CSGALNACT1: variants seen among roughly 807,000 people sequenced by gnomAD.
The protein encoded by CSGALNACT1 is beta4GalNAcT-1.
A neutral mutation model predicts 51.0 loss-of-function variants in CSGALNACT1; 52 were observed. That is an observed-to-expected ratio of 1.02 (90% CI 0.82 to 1.29). The LOEUF is 1.29. Among genes scored for constraint, CSGALNACT1 ranks in the 50% most tolerant of loss-of-function variants. The pLI is 0.00. For synonymous variants in CSGALNACT1, 341 were observed against 254.4 expected (o/e 1.34, Z -3.24); for missense variants, 935 against 679.2 (o/e 1.38, Z -4.19).
chr8:19,550,105 T>C (rs931635701), intron 3 of CSGALNACT1, among the ~76,000 whole-genome samples: 2 of 152,166 alleles, frequency 1.3e-5, no homozygotes, highest in East Asian at 3.9e-4. Context: ...TTTTGTGTAG[T>C]TGTCTCTTCT....
intron 1 of CSGALNACT1, among the ~76,000 whole-genome samples, chr8:19,656,486 A>G (rs745953430): frequency 6.6e-6 from 1 of 152,062 alleles, no homozygotes; most frequent in Non-Finnish European, 1.5e-5. Context: ...CTTGACCTCA[A>G]AGAGGCCCCA....
chr8:19,475,403 A>G (rs2069311034), intron 4 of CSGALNACT1, among the ~76,000 whole-genome samples: 2 of 152,154 alleles, frequency 1.3e-5, no homozygotes, highest in South Asian at 4.2e-4. Context: ...TGTTCAGACA[A>G]TCCCTACAGC....
intron 1 of CSGALNACT1, among the ~76,000 whole-genome samples, chr8:19,722,466 C>A (rs1564471409): frequency 6.6e-6 from 1 of 152,168 alleles, no homozygotes; most frequent in Non-Finnish European, 1.5e-5. Flanking sequence ...AGAGGCCCAG[C>A]AAAGTCAACT....
intron 3 of CSGALNACT1, among the ~76,000 whole-genome samples, chr8:19,575,129 GTTA>G (rs2043896900): frequency 6.6e-6 from 1 of 152,144 alleles, no homozygotes; most frequent in African/African-American, 2.4e-5. Flanking sequence ...AACTCACACA[GTTA>G]TTGAATTTGG....
At chr8:19,670,578 A>G (rs2059711810) in intron 1 of CSGALNACT1, among the ~76,000 whole-genome samples, 1 of 149,112 alleles carries the variant, frequency 6.7e-6, no homozygotes, top group Non-Finnish European at 1.5e-5. Context: ...TACACAGGAA[A>G]CCAAGGATCA....
intron 4 of CSGALNACT1, among the ~76,000 whole-genome samples, chr8:19,481,202 C>T (rs542747842): frequency 2.6e-5 from 4 of 152,090 alleles, no homozygotes; most frequent in African/African-American, 7.2e-5. Flanking sequence ...ATTTTGCCAC[C>T]GTGCCAGTCT....
At chr8:19,668,492 A>C (rs2059554839) in intron 1 of CSGALNACT1, among the ~76,000 whole-genome samples, 1 of 152,244 alleles carries the variant, frequency 6.6e-6, no homozygotes, top group Non-Finnish European at 1.5e-5. Flanking sequence ...ATAACTGATC[A>C]ATTACTTCAT....
chr8:19,666,894 G>GA (rs2059301015), intron 1 of CSGALNACT1, among the ~76,000 whole-genome samples: 1 of 105,274 alleles, frequency 9.5e-6, no homozygotes, highest in African/African-American at 3.7e-5. Context: ...AGAGAGAGAG[G>GA]AAGTGAGGAA....
At chr8:19,519,335 G>A (rs1273718164) in intron 3 of CSGALNACT1, among the ~76,000 whole-genome samples, 1 of 152,168 alleles carries the variant, frequency 6.6e-6, no homozygotes, top group Admixed American at 6.5e-5. Context: ...GCAGGACTGG[G>A]TGACTTGCCC....
intron 1 of CSGALNACT1, among the ~76,000 whole-genome samples, chr8:19,680,356 G>A (rs939736428): frequency 4.6e-5 from 7 of 152,190 alleles, no homozygotes; most frequent in African/African-American, 1.7e-4. Context: ...AGAAGTTCAA[G>A]ACCAGCCTGG....
intron 6 of CSGALNACT1, among the ~76,000 whole-genome samples, chr8:19,438,939 A>C (rs1431408448): frequency 2.6e-5 from 4 of 152,222 alleles, no homozygotes; most frequent in African/African-American, 4.8e-5. Context: ...CCAGAAACTC[A>C]AAACAGAGGA....
At chr8:19,543,619 T>G (rs963349554) in intron 3 of CSGALNACT1, among the ~76,000 whole-genome samples, 1 of 152,188 alleles carries the variant, frequency 6.6e-6, no homozygotes, top group Non-Finnish European at 1.5e-5. Context: ...AGGCAGAAAC[T>G]GCATACATGT....
chr8:19,736,983 G>A (rs898343167), intron 1 of CSGALNACT1, among the ~76,000 whole-genome samples: 4 of 151,964 alleles, frequency 2.6e-5, no homozygotes, highest in Middle Eastern at 3.4e-3. Context: ...GGAGAGAGTA[G>A]AGATAGGAAA....
intron 4 of CSGALNACT1, among the ~76,000 whole-genome samples, chr8:19,463,129 T>C (rs1198962736): frequency 6.8e-6 from 1 of 147,888 alleles, no homozygotes; most frequent in African/African-American, 2.4e-5. Context: ...GCTGCATTCC[T>C]GTTACTCCAA....
At chr8:19,667,589 A>T (rs2059481926) in intron 1 of CSGALNACT1, among the ~76,000 whole-genome samples, 1 of 152,224 alleles carries the variant, frequency 6.6e-6, no homozygotes, top group African/African-American at 2.4e-5. Context: ...CTGATGAATT[A>T]TGAACAAGTC....
At chr8:19,405,636 G>A in exon 10 of CSGALNACT1, 2 of 1,092,624 alleles carry the variant, frequency 1.8e-6, no homozygotes, top group Middle Eastern at 4.7e-4. Flanking sequence ...AAGCCCAACA[G>A]AGAGAAATCG....
At chr8:19,507,560 TAA>T (rs1157773692) in intron 3 of CSGALNACT1, among the ~76,000 whole-genome samples, 3 of 133,682 alleles carry the variant, frequency 2.2e-5, no homozygotes, top group Non-Finnish European at 4.8e-5. Flanking sequence ...AAAGAATGAT[TAA>T]TGGAAAATAG....
intron 3 of CSGALNACT1, among the ~76,000 whole-genome samples, chr8:19,582,046 G>C (rs2045695838): frequency 6.6e-6 from 1 of 152,194 alleles, no homozygotes. Flanking sequence ...ACCCAAATGA[G>C]TCCTAGAACT....
chr8:19,564,815 T>A (rs1208406855), intron 3 of CSGALNACT1, among the ~76,000 whole-genome samples: 2 of 152,212 alleles, frequency 1.3e-5, no homozygotes, highest in Admixed American at 6.5e-5. Context: ...CCTTGCCCCA[T>A]GAGAATGTAA....
Sources: gnomAD v4.1 joint callset for allele counts (sites outside exome capture counted in the v4.1 genomes callset) on GRCh38, gnomAD v4.1.1 for gene constraint, MANE v1.5 for transcripts, NCBI Gene and HGNC (gene_info 2026-07-23, HGNC 2026-07-21) for gene names.